TAF4B: variants seen among roughly 807,000 people sequenced by gnomAD.
TAF4B encodes the protein transcription initiation factor TFIID subunit 4B.
TAF4B carries 38 observed loss-of-function variants against 86.4 expected under a neutral mutation model. The observed-to-expected ratio is 0.44, with a 90% confidence interval of 0.34 to 0.58. The LOEUF (loss-of-function observed/expected upper bound fraction) is 0.58, where lower values mean the gene tolerates loss of function less well. Ranked by LOEUF, TAF4B falls within the 20% of genes least tolerant of loss-of-function variation. The pLI is 0.02. For missense variants in TAF4B, 988 were observed against 1,027.6 expected (o/e 0.96, Z 0.53); for synonymous variants, 388 against 391.2 (o/e 0.99, Z 0.10).
At chr18:26,229,964 A>AT (rs1555669581) in intron 1 of TAF4B, among the ~76,000 whole-genome samples, 2,492 of 149,498 alleles carry the variant, frequency 0.017, 55 homozygotes, top group African/African-American at 0.051. Flanking sequence ...TTAAAAAAAA[A>AT]ATATATATAT....
intron 3 of TAF4B, among the ~76,000 whole-genome samples, chr18:26,272,115 T>A (rs2056327108): frequency 6.6e-6 from 1 of 151,984 alleles, no homozygotes; most frequent in Non-Finnish European, 1.5e-5. Flanking sequence ...GGCCTGATCT[T>A]CCTGAGGCTC....
At chr18:26,270,024 T>C (rs1568117606) in intron 3 of TAF4B, among the ~76,000 whole-genome samples, 3 of 152,212 alleles carry the variant, frequency 2.0e-5, no homozygotes, top group Admixed American at 1.3e-4. Context: ...ACTTCGAGTA[T>C]ATCAGTTTTT....
At chr18:26,233,276 C>T (rs1201281812) in intron 1 of TAF4B, among the ~76,000 whole-genome samples, 2 of 151,990 alleles carry the variant, frequency 1.3e-5, no homozygotes, top group South Asian at 4.2e-4. Context: ...GAGAAAAAAC[C>T]GTTTTGTATC....
chr18:26,243,706 C>T (rs1273061891), intron 1 of TAF4B, among the ~76,000 whole-genome samples: 1 of 152,160 alleles, frequency 6.6e-6, no homozygotes, highest in African/African-American at 2.4e-5. Context: ...GGTTTCTTTC[C>T]ATCTTTGTGG....
rs1425283046 is a variant in TAF4B at position 26,276,539 on chromosome 18, A to G, written c.882+1486A>G. 2.0e-5 allele frequency among the ~76,000 whole-genome samples: 3 copies of G among 152,232 alleles called. No individual in the cohort carries two copies. In the East Asian group the frequency reaches 5.8e-4, roughly 29 times the overall value. On this transcript the variant is annotated intron_variant, in intron 5 of 14. Transcript: ENST00000269142. ...CAAATATTATACAGCAAAAACAAGC[A>G]TAGTTTATAAATATTAAAATACCTT...
At chr18:26,367,101 G>A (rs1428315011) in intron 14 of TAF4B, among the ~76,000 whole-genome samples, 1 of 152,156 alleles carries the variant, frequency 6.6e-6, no homozygotes, top group Non-Finnish European at 1.5e-5. Context: ...TATAATTTGT[G>A]GGACAGTGTG....
intron 12 of TAF4B, among the ~76,000 whole-genome samples, chr18:26,329,124 C>G (rs953025142): frequency 1.3e-5 from 2 of 151,958 alleles, no homozygotes; most frequent in African/African-American, 2.4e-5. Context: ...GTGATGTGAT[C>G]GTGGCTCACT....
At chr18:26,264,537 A>G (rs2056212575) in intron 1 of TAF4B, among the ~76,000 whole-genome samples, 1 of 152,232 alleles carries the variant, frequency 6.6e-6, no homozygotes, top group Non-Finnish European at 1.5e-5. Context: ...GTTATCTGGC[A>G]TGTGGCATTG....
intron 9 of TAF4B, among the ~76,000 whole-genome samples, chr18:26,298,491 C>T (rs1341424356): frequency 6.6e-6 from 1 of 152,122 alleles, no homozygotes; most frequent in Non-Finnish European, 1.5e-5. Flanking sequence ...CTCGGCCTCC[C>T]AGAGTGCTGG....
intron 5 of TAF4B, among the ~76,000 whole-genome samples, chr18:26,278,103 A>G (rs1326015902): frequency 2.6e-5 from 4 of 152,184 alleles, no homozygotes; most frequent in African/African-American, 7.2e-5. Flanking sequence ...AAAAATGGAA[A>G]AAAGTGGCTA....
chr18:26,227,330 GA>G, intron 1 of TAF4B, 54 bp downstream of exon 1: 1 of 1,548,270 alleles, frequency 6.5e-7, no homozygotes, highest in Admixed American at 2.0e-5. Context: ...GCGGCGACGG[GA>G]AAATTCGCAG....
intron 12 of TAF4B, among the ~76,000 whole-genome samples, chr18:26,328,862 C>T (rs545731581): frequency 1.2e-3 from 181 of 152,132 alleles, no homozygotes; most frequent in African/African-American, 4.2e-3. Flanking sequence ...TTGATCCGCC[C>T]ACCTCAGCCT....
chr18:26,272,312 C>T (rs1568119012), intron 3 of TAF4B, among the ~76,000 whole-genome samples: 1 of 152,196 alleles, frequency 6.6e-6, no homozygotes, highest in Non-Finnish European at 1.5e-5. Context: ...CACCGCTGGC[C>T]TGACAGGAGG....
intron 14 of TAF4B, among the ~76,000 whole-genome samples, chr18:26,359,002 C>T (rs1344677394): frequency 1.3e-5 from 2 of 152,322 alleles, no homozygotes; most frequent in Non-Finnish European, 2.9e-5. Context: ...TTCTCCCCCT[C>T]TCCTGCCCAA....
chr18:26,319,204 A>G (rs1489453373), intron 10 of TAF4B, among the ~76,000 whole-genome samples: 1 of 149,846 alleles, frequency 6.7e-6, no homozygotes, highest in Non-Finnish European at 1.5e-5. Context: ...AAAAATAATA[A>G]TAATAGGCCA....
chr18:26,349,451 A>G (rs1034669951), intron 13 of TAF4B, among the ~76,000 whole-genome samples: 1 of 145,766 alleles, frequency 6.9e-6, no homozygotes, highest in Non-Finnish European at 1.6e-5. Flanking sequence ...CTGCCAAACA[A>G]ACAAACAAAC....
rs749841898 is a variant in TAF4B at position 26,315,192 on chromosome 18, C to CACACACACACACAA, written c.1833-36_1833-35insCACACACACACAAA. 170 of 1,333,384 alleles carry CACACACACACACAA rather than the reference C, an allele frequency of 1.3e-4. 2 individuals are homozygous for CACACACACACACAA. In the African/African-American group the frequency reaches 2.9e-3, roughly 23 times the overall value. 82.6% of individuals were successfully genotyped at this position (1,333,384 alleles called of 1,614,324 possible). ...ACACACACACACACACACACACACA[C>CACACACACACACAA]AACCTAAAATGTATAACTTTTTTTT... On this transcript the variant is annotated intron_variant, in intron 9 of 14. Coordinates refer to ENST00000269142, the MANE Select transcript of TAF4B (RefSeq NM_005640.3).
Position 26,227,045 on chromosome 18 carries a change from A to T in TAF4B, c.112A>T (p.Thr38Ser). Residue 38 changes from threonine to serine, a missense_variant, in exon 1 of 15, where the codon ACT (threonine) becomes TCT (serine). This residue lies in a region of TAF4B where 747 missense variants were observed against 737.9 expected (regional missense o/e 1.01). Transcript: ENST00000269142. ...GGCGCTGCCGGTGCGGGTGGAGAGC[A>T]CTCCGGTGGCCCTGGGCGCCGTGAC... ...AGALPVRVES[T>S]PVALGAVTKA... 1 of 1,567,952 alleles carries T rather than the reference A, an allele frequency of 6.4e-7. No individual in the cohort carries two copies. Among genetic ancestry groups the T allele is most frequent in the Non-Finnish European group, 8.6e-7 (1 of 1,165,688 alleles).
intron 9 of TAF4B, chr18:26,304,797 A>G: frequency 1.0e-6 from 1 of 985,378 alleles, no homozygotes; most frequent in South Asian, 4.7e-5. Context: ...AATGGAATGA[A>G]AATGTCTTAT....
Sources: gnomAD v4.1 joint callset for allele counts (sites outside exome capture counted in the v4.1 genomes callset) on GRCh38, gnomAD v4.1.1 for gene constraint, gnomAD v4.1.1 regional missense constraint, MANE v1.5 for transcripts, NCBI Gene and HGNC (gene_info 2026-07-23, HGNC 2026-07-21) for gene names.